The following CNGA1 variants were observed in gnomAD, a reference collection of about 807,000 sequenced individuals.
CNGA1 encodes cyclic nucleotide gated channel subunit alpha 1, also known as cyclic nucleotide-gated channel alpha-1.
A neutral mutation model predicts 69.7 loss-of-function variants in CNGA1; 53 were observed. The ratio of observed to expected loss-of-function variants is 0.76; its 90% CI spans 0.61 to 0.96. The LOEUF (loss-of-function observed/expected upper bound fraction) is 0.96, where lower values mean the gene tolerates loss of function less well. Ranked by LOEUF, CNGA1 falls within the 40% of genes least tolerant of loss-of-function variation. The pLI is 0.00. For missense variants in CNGA1, 739 were observed against 811.2 expected (o/e 0.91, Z 1.08); for synonymous variants, 249 against 283.5 (o/e 0.88, Z 1.22).
intron 2 of CNGA1, among the ~76,000 whole-genome samples, chr4:47,988,006 T>C (rs1742061526): frequency 6.6e-6 from 1 of 152,178 alleles, no homozygotes; most frequent in Admixed American, 6.6e-5. Flanking sequence ...TGGAGAACAG[T>C]CAGGAGGCAA....
chr4:47,963,624 A>G (rs1392509398), intron 3 of CNGA1, among the ~76,000 whole-genome samples: 3 of 152,190 alleles, frequency 2.0e-5, no homozygotes, highest in Non-Finnish European at 4.4e-5. Flanking sequence ...AGCCCAATAA[A>G]TGACAATTTA....
At chr4:47,959,259 A>G (rs1338055382) in intron 3 of CNGA1, 1 of 152,212 alleles carries the variant, frequency 6.6e-6, no homozygotes, top group Non-Finnish European at 1.5e-5. Context: ...AAAAGAAATG[A>G]GAAATCAATA....
Position 47,943,293 on chromosome 4 carries a change from A to G in CNGA1, c.330-5T>C. On this transcript the variant is annotated splice_region_variant and splice_polypyrimidine_tract_variant and intron_variant, in intron 7 of 10. Transcript: ENST00000514170. ...TCGTTTTTATCATCTGACTTGCTGA[A>G]AAAATTAAGCAAGTAGTATTAAAAT... The G allele has an allele frequency of 6.5e-7, 1 of 1,545,612 alleles. No homozygotes were observed. The highest frequency in any genetic ancestry group is 8.7e-7 in the Non-Finnish European group (1 of 1,144,298).
chr4:47,946,689 T>C (rs996042168), intron 6 of CNGA1, among the ~76,000 whole-genome samples: 1 of 152,264 alleles, frequency 6.6e-6, no homozygotes, highest in African/African-American at 2.4e-5. Flanking sequence ...CGTCATATGA[T>C]GAAGTAAGAT....
chr4:48,016,589 G>T lies in CNGA1; in HGVS notation c.-329C>A, dbSNP rs1715394273. On this transcript the variant is annotated 5_prime_UTR_variant, in exon 1 of 11. Coordinates refer to ENST00000514170, the MANE Select transcript of CNGA1 (RefSeq NM_001379270.1). ...GCGCCAAGGGGCAGCTGCTACTCCT[G>T]CCAGATACACCAGTTATCACAGGCC... is the stretch of plus-strand genomic sequence containing the variant. The T allele has an allele frequency of 3.8e-6, 2 of 520,010 alleles. No individual in the cohort carries two copies. Among genetic ancestry groups the T allele is most frequent in the African/African-American group, 2.0e-5 (1 of 48,810 alleles). The allele number at this position is 520,010 out of a possible 1,614,324, so 32.2% of individuals were successfully genotyped here. A position where few individuals can be genotyped will look rare whatever the true frequency, so the allele number is the denominator to read the frequency against.
chr4:47,948,921 G>A (rs2110153092), intron 6 of CNGA1, among the ~76,000 whole-genome samples: 1 of 152,310 alleles, frequency 6.6e-6, no homozygotes, highest in East Asian at 1.9e-4. Flanking sequence ...GAAGCGGAGA[G>A]GGTGAAGAAT....
Position 47,937,320 on chromosome 4 carries a change from T to C in CNGA1, c.1162A>G (p.Ile388Val), listed in dbSNP as rs761470459. ...FLIGVLIFAT[I>V]VGNIGSMISN... Reference sequence around the variant, plus strand: ...ATCATAGAACCTATGTTACCAACGATGGTAGCAAAAATTAACACTCCAATT... The same window carrying C: ...ATCATAGAACCTATGTTACCAACGACGGTAGCAAAAATTAACACTCCAATT... Residue 388 changes from isoleucine to valine, a missense_variant, in exon 11 of 11, where the codon ATC (isoleucine) becomes GTC (valine). By Grantham distance (29) the Ile-to-Val change is conservative. Coordinates refer to ENST00000514170, the MANE Select transcript of CNGA1 (RefSeq NM_001379270.1). The C allele has an allele frequency of 5.0e-6, 8 of 1,613,934 alleles. No individual in the cohort carries two copies. The highest frequency in any genetic ancestry group is 5.9e-6 in the Non-Finnish European group (7 of 1,180,042).
At chr4:47,958,251 T>C (rs1740214092) in intron 3 of CNGA1, among the ~76,000 whole-genome samples, 1 of 152,170 alleles carries the variant, frequency 6.6e-6, no homozygotes, top group Non-Finnish European at 1.5e-5. Context: ...TCATTTTGCA[T>C]GGAATTCTTG....
rs758713578 is a variant in CNGA1 at position 47,949,816 on chromosome 4, A to G, written c.287+17T>C. On this transcript the variant is annotated intron_variant, in intron 6 of 10. Coordinates refer to ENST00000514170, the MANE Select transcript of CNGA1 (RefSeq NM_001379270.1). Reference sequence around the variant, plus strand: ...TTTAAAACCAAAACTTTGGTTTTCTATTGTAAATATACTTACTGGTCCTTA... The same window carrying G: ...TTTAAAACCAAAACTTTGGTTTTCTGTTGTAAATATACTTACTGGTCCTTA... 8 of 1,609,130 alleles carry G rather than the reference A, an allele frequency of 5.0e-6. No individual in the cohort carries two copies. In the African/African-American group the frequency reaches 5.3e-5, roughly 11 times the overall value.
At chr4:47,974,119 G>T (rs969174510) in intron 3 of CNGA1, among the ~76,000 whole-genome samples, 1 of 147,636 alleles carries the variant, frequency 6.8e-6, no homozygotes, top group African/African-American at 2.5e-5. Flanking sequence ...TAGATAGATA[G>T]ATAGATGATA....
At chr4:47,971,723 G>A (rs1215012020) in intron 3 of CNGA1, among the ~76,000 whole-genome samples, 1 of 152,042 alleles carries the variant, frequency 6.6e-6, no homozygotes, top group Non-Finnish European at 1.5e-5. Context: ...GTGAAATCCC[G>A]TCTCTACTAA....
chr4:48,004,296 C>T (rs1238618835), intron 2 of CNGA1, among the ~76,000 whole-genome samples: 7 of 152,138 alleles, frequency 4.6e-5, no homozygotes, highest in East Asian at 1.9e-4. Context: ...TAAATATCAG[C>T]GCAGCCTGGC....
At chr4:48,015,434 G>A (rs1170822845) in intron 1 of CNGA1, among the ~76,000 whole-genome samples, 1 of 152,168 alleles carries the variant, frequency 6.6e-6, no homozygotes, top group Non-Finnish European at 1.5e-5. Flanking sequence ...TGAGGCCTCT[G>A]CTATGAAACT....
chr4:47,991,348 A>G (rs1434743446), intron 2 of CNGA1, among the ~76,000 whole-genome samples: 2 of 152,172 alleles, frequency 1.3e-5, no homozygotes, highest in East Asian at 3.8e-4. Flanking sequence ...GATTATGGCC[A>G]TTCTTGCAGG....
chr4:48,014,030 C>T (rs917809399), intron 1 of CNGA1, among the ~76,000 whole-genome samples: 1 of 152,214 alleles, frequency 6.6e-6, no homozygotes, highest in Non-Finnish European at 1.5e-5. Context: ...TTTTGACCAT[C>T]ACCCCTGGGT....
intron 3 of CNGA1, 76 bp from the exon 4 acceptor site, chr4:47,952,779 T>C (rs772295367): frequency 4.5e-5 from 49 of 1,085,288 alleles, no homozygotes; most frequent in Non-Finnish European, 5.9e-5. Flanking sequence ...TTTCACCCTA[T>C]GTATTAGTCT....
At chr4:47,952,803 T>C (rs1288189398) in intron 3 of CNGA1, 100 bp from the exon 4 acceptor site, 4 of 780,300 alleles carry the variant, frequency 5.1e-6, no homozygotes, top group Non-Finnish European at 5.4e-6. Flanking sequence ...CTCATGCTGC[T>C]AATAAAGACA....
rs572916115 is a variant in CNGA1 at position 47,939,852 on chromosome 4, C to T, written c.652+911G>A. Among the ~76,000 whole-genome samples, 14 of 152,320 alleles carry T rather than the reference C, an allele frequency of 9.2e-5. No individual in the cohort carries two copies. The South Asian group carries it at 1.9e-3, about 20-fold the overall frequency. On this transcript the variant is annotated intron_variant, in intron 10 of 10. Coordinates refer to ENST00000514170, the MANE Select transcript of CNGA1 (RefSeq NM_001379270.1). ...TTTCCTGAACACGCTAGCAATGTGC[C>T]TAATAGCCCACGCCAGTGTCTTGTC... is the stretch of plus-strand genomic sequence containing the variant.
chr4:48,011,148 G>A (rs1456221479), intron 1 of CNGA1, among the ~76,000 whole-genome samples: 1 of 152,142 alleles, frequency 6.6e-6, no homozygotes, highest in Non-Finnish European at 1.5e-5. Flanking sequence ...TCGGGTGTGA[G>A]CTAAGTTGCA....
Sources: allele counts gnomAD v4.1 joint callset (sites outside exome capture counted in the v4.1 genomes callset), GRCh38; gene constraint gnomAD v4.1.1; transcripts MANE v1.5; gene names NCBI Gene and HGNC (gene_info 2026-07-23, HGNC 2026-07-21).